The following LMBR1 variants were observed in gnomAD, a reference collection of about 807,000 sequenced individuals.
LMBR1 encodes limb region 1 protein homolog.
Under a neutral mutation model 73.9 loss-of-function variants are expected in LMBR1, and 52 were observed. The ratio of observed to expected loss-of-function variants is 0.70; its 90% CI spans 0.56 to 0.89. The LOEUF is 0.89. LMBR1 is among the 40% of genes least tolerant of loss of function. The pLI, the probability that LMBR1 is intolerant of heterozygous loss-of-function variation, is 0.00. For missense variants in LMBR1, 539 were observed against 579.8 expected, an observed-to-expected ratio of 0.93 and a Z score of 0.72; for synonymous variants, 215 against 209.4, an observed-to-expected ratio of 1.03 and a Z score of -0.23.
chr7:156,791,533 CTG>C (rs1269870731), intron 5 of LMBR1, among the ~76,000 whole-genome samples: 4 of 152,182 alleles, frequency 2.6e-5, no homozygotes, highest in African/African-American at 9.7e-5. Flanking sequence ...CAATTTCAAA[CTG>C]TGACACAGGA....
At chr7:156,700,902 A>G (rs996213127) in intron 15 of LMBR1, among the ~76,000 whole-genome samples, 2 of 152,206 alleles carry the variant, frequency 1.3e-5, no homozygotes, top group Admixed American at 1.3e-4. Flanking sequence ...TAATGGACTC[A>G]TGGTTGCATG....
intron 9 of LMBR1, among the ~76,000 whole-genome samples, chr7:156,750,300 G>C (rs1820630959): frequency 6.6e-6 from 1 of 150,912 alleles, no homozygotes; most frequent in Admixed American, 6.6e-5. Flanking sequence ...GTGTGTACGT[G>C]TGTGTGTGTG....
intron 1 of LMBR1, among the ~76,000 whole-genome samples, chr7:156,861,342 C>T (rs1189273866): frequency 6.6e-6 from 1 of 152,210 alleles, no homozygotes; most frequent in Non-Finnish European, 1.5e-5. Flanking sequence ...ACAGCTGGAA[C>T]AGCTGGGACT....
chr7:156,711,082 G>A (rs1811985055), intron 15 of LMBR1, among the ~76,000 whole-genome samples: 2 of 152,152 alleles, frequency 1.3e-5, no homozygotes, highest in Admixed American at 1.3e-4. Flanking sequence ...AGGCCAAGGT[G>A]GGCAGATCAC....
chr7:156,762,846 AGTGTGTGTGT>A (rs35976164), intron 7 of LMBR1, among the ~76,000 whole-genome samples: 2 of 148,628 alleles, frequency 1.3e-5, no homozygotes, highest in Admixed American at 6.7e-5. Context: ...TGTGAGTGTG[AGTGTGTGTGT>A]GTGTGTGTGT....
At chr7:156,866,227 G>T (rs758601564) in intron 1 of LMBR1, among the ~76,000 whole-genome samples, 1 of 152,094 alleles carries the variant, frequency 6.6e-6, no homozygotes, top group African/African-American at 2.4e-5. Context: ...TAGTGACAAC[G>T]AAACTCTCCA....
At chr7:156,753,529 G>T (rs1821284201) in intron 9 of LMBR1, among the ~76,000 whole-genome samples, 1 of 152,062 alleles carries the variant, frequency 6.6e-6, no homozygotes, top group Non-Finnish European at 1.5e-5. Flanking sequence ...TTTTGTTCAT[G>T]AGTTAATTCT....
intron 5 of LMBR1, among the ~76,000 whole-genome samples, chr7:156,780,808 G>A (rs185969229): frequency 6.6e-6 from 1 of 152,074 alleles, no homozygotes; most frequent in African/African-American, 2.4e-5. Context: ...CAGCCCTCAG[G>A]GCCCTGTGCT....
intron 10 of LMBR1, among the ~76,000 whole-genome samples, 193 bp from the exon 11 acceptor site, chr7:156,728,913 G>A (rs998988228): frequency 1.3e-4 from 20 of 152,008 alleles, no homozygotes; most frequent in Middle Eastern, 3.2e-3. Flanking sequence ...TGGTATAGCC[G>A]CAGCTCACTG....
At chr7:156,847,867 A>C (rs1795713885) in intron 1 of LMBR1, among the ~76,000 whole-genome samples, 1 of 152,202 alleles carries the variant, frequency 6.6e-6, no homozygotes, top group Non-Finnish European at 1.5e-5. Flanking sequence ...GTTTCTTACA[A>C]AACTAAAAAC....
chr7:156,717,435 A>C (rs1205316107), intron 15 of LMBR1, among the ~76,000 whole-genome samples: 1 of 152,166 alleles, frequency 6.6e-6, no homozygotes. Context: ...ATTTGGGGGC[A>C]AGTGAATGGG....
At chr7:156,868,148 A>C (rs990090505) in intron 1 of LMBR1, among the ~76,000 whole-genome samples, 1 of 152,134 alleles carries the variant, frequency 6.6e-6, no homozygotes, top group African/African-American at 2.4e-5. Context: ...AGTGTCAGCT[A>C]AAGAATCATG....
intron 15 of LMBR1, among the ~76,000 whole-genome samples, chr7:156,692,031 T>A (rs1025916502): frequency 6.6e-6 from 1 of 152,108 alleles, no homozygotes; most frequent in Non-Finnish European, 1.5e-5. Flanking sequence ...AAAGAGAGGC[T>A]CCACTTCTGA....
At chr7:156,747,816 A>G (rs1464077133) in intron 9 of LMBR1, 1 of 152,236 alleles carries the variant, frequency 6.6e-6, no homozygotes, top group African/African-American at 2.4e-5. Context: ...CTCAAATACT[A>G]TAAATTATTT....
At chr7:156,884,333 C>G (rs1269629176) in intron 1 of LMBR1, among the ~76,000 whole-genome samples, 1 of 151,916 alleles carries the variant, frequency 6.6e-6, no homozygotes, top group Non-Finnish European at 1.5e-5. Flanking sequence ...CAATATCAGA[C>G]AAGACCATGA....
rs1814189471 is a variant in LMBR1, at chr7:156,720,073, A to G, written c.1225+4039T>C. 2.0e-5 allele frequency among the ~76,000 whole-genome samples: 3 copies of G among 151,510 alleles called. No individual in the cohort carries two copies. The South Asian group carries it at 6.3e-4, about 32-fold the overall frequency. ...AGGACTTCATGTCTAAAACACCAAA[A>G]GCAATGGCAACAAAAGCCAAAATTG... On this transcript the variant is annotated intron_variant, in intron 15 of 16. Transcript: ENST00000353442.
chr7:156,869,575 T>C (rs35900861), intron 1 of LMBR1, among the ~76,000 whole-genome samples: 15,168 of 151,776 alleles, frequency 0.1, 857 homozygotes, highest in African/African-American at 0.13. Context: ...AACCCAAAGG[T>C]AGACAGCAAG....
intron 2 of LMBR1, among the ~76,000 whole-genome samples, chr7:156,836,031 T>C (rs1459952550): frequency 1.3e-5 from 2 of 152,186 alleles, no homozygotes; most frequent in Non-Finnish European, 2.9e-5. Flanking sequence ...ATGGAATCCA[T>C]GGAGTACTTC....
At chr7:156,875,798 C>A (rs1586401391) in intron 1 of LMBR1, among the ~76,000 whole-genome samples, 2 of 151,850 alleles carry the variant, frequency 1.3e-5, no homozygotes, top group African/African-American at 4.8e-5. Context: ...CCAGAACTAC[C>A]AGAACTGCTA....
Sources: gnomAD v4.1 joint callset for allele counts (sites outside exome capture counted in the v4.1 genomes callset) on GRCh38, gnomAD v4.1.1 for gene constraint, MANE v1.5 for transcripts, NCBI Gene and HGNC (gene_info 2026-07-23, HGNC 2026-07-21) for gene names.